Variants in FRY observed in about 807,000 individuals in gnomAD.
The protein encoded by FRY is FRY microtubule binding protein.
In FRY, 128 loss-of-function variants were observed where a neutral mutation model predicts 348.4. The ratio of observed to expected loss-of-function variants is 0.37; its 90% CI spans 0.32 to 0.43. The LOEUF is 0.43. Ranked by LOEUF, FRY falls within the 20% of genes least tolerant of loss-of-function variation. The pLI, the probability that FRY is intolerant of heterozygous loss-of-function variation, is 1.00. For synonymous variants in FRY, 1,370 were observed against 1,374.7 expected (o/e 1.00, Z 0.08); for missense variants, 2,736 against 3,695.2 (o/e 0.74, Z 6.73).
intron 3 of FRY, among the ~76,000 whole-genome samples, chr13:32,111,258 C>T (rs1877937604): frequency 6.6e-6 from 1 of 151,994 alleles, no homozygotes; most frequent in Admixed American, 6.6e-5. Context: ...GAGGCTGAGG[C>T]AGGTGGCTCA....
chr13:32,248,614 A>G (rs537540373), intron 48 of FRY, among the ~76,000 whole-genome samples: 107 of 152,302 alleles, frequency 7.0e-4, no homozygotes, highest in South Asian at 1.2e-3. Context: ...TGGGTTTTTT[A>G]TACAATGGTC....
chr13:32,258,470 A>G (rs1015908776), intron 51 of FRY, among the ~76,000 whole-genome samples: 6 of 152,096 alleles, frequency 3.9e-5, no homozygotes, highest in African/African-American at 4.8e-5. Context: ...AAAATTAGCC[A>G]TGCCTGGAGG....
At chr13:32,142,182 T>C (rs1880116769) in intron 11 of FRY, among the ~76,000 whole-genome samples, 1 of 152,122 alleles carries the variant, frequency 6.6e-6, no homozygotes, top group Non-Finnish European at 1.5e-5. Context: ...TAGGCACCAA[T>C]AGCATATGTG....
At chr13:32,067,840 A>G (rs541850429) in intron 1 of FRY, among the ~76,000 whole-genome samples, 1 of 152,310 alleles carries the variant, frequency 6.6e-6, no homozygotes, top group South Asian at 2.1e-4. Flanking sequence ...CAAAATGTTA[A>G]TTTTGTTGGA....
intron 4 of FRY, among the ~76,000 whole-genome samples, chr13:32,122,200 T>C (rs1020445336): frequency 2.0e-5 from 3 of 152,064 alleles, no homozygotes; most frequent in Admixed American, 2.0e-4. Context: ...TCCCAGCACT[T>C]TGGGAGGCCG....
chr13:32,086,485 C>T (rs529093866), intron 2 of FRY, among the ~76,000 whole-genome samples: 58 of 152,212 alleles, frequency 3.8e-4, no homozygotes, highest in African/African-American at 1.2e-3. Context: ...GGTTTAAATC[C>T]CTGGGTTTAA....
At chr13:32,169,212 A>G (rs1461786779) in intron 17 of FRY, among the ~76,000 whole-genome samples, 3 of 152,212 alleles carry the variant, frequency 2.0e-5, no homozygotes, top group Non-Finnish European at 4.4e-5. Flanking sequence ...AAGTCATTGC[A>G]GTGACCTCTT....
intron 55 of FRY, among the ~76,000 whole-genome samples, chr13:32,269,131 C>T (rs190370674): frequency 3.9e-5 from 6 of 151,964 alleles, no homozygotes; most frequent in Admixed American, 1.3e-4. Context: ...GAGCCATGGC[C>T]GACGGGAAAG....
chr13:32,131,650 A>T, intron 7 of FRY, 22 bp from the exon 8 acceptor site: 1 of 1,599,864 alleles, frequency 6.3e-7, no homozygotes, highest in Non-Finnish European at 8.6e-7. Context: ...TATTTGATAA[A>T]CCACTTATGT....
chr13:32,194,139 T>G lies in FRY; in HGVS notation c.3592-4T>G. ...AATAATATTGATTTGCTCCATGTAT[T>G]CAGGTTCATCAACTTGGCTGCGAAG... On this transcript the variant is annotated splice_polypyrimidine_tract_variant and splice_region_variant and intron_variant, in intron 28 of 60. Coordinates refer to ENST00000542859, the MANE Select transcript of FRY (RefSeq NM_023037.3). 6.2e-7 allele frequency: 1 copy of G among 1,612,524 alleles called. No individual in the cohort carries two copies. Among genetic ancestry groups the G allele is most frequent in the Non-Finnish European group, 8.5e-7 (1 of 1,178,464 alleles).
At chr13:32,228,042 G>C (rs899392226) in intron 39 of FRY, among the ~76,000 whole-genome samples, 2 of 152,134 alleles carry the variant, frequency 1.3e-5, no homozygotes, top group Admixed American at 1.3e-4. Flanking sequence ...GAGCCACCGC[G>C]CCCAGCCCGT....
At chr13:32,192,373 C>T (rs972710272) in intron 28 of FRY, among the ~76,000 whole-genome samples, 4 of 152,038 alleles carry the variant, frequency 2.6e-5, no homozygotes, top group Non-Finnish European at 5.9e-5. Context: ...AGTGCAGTGG[C>T]GCGATCTCGG....
At chr13:32,203,451 C>A (rs1884164876) in intron 31 of FRY, among the ~76,000 whole-genome samples, 1 of 152,138 alleles carries the variant, frequency 6.6e-6, no homozygotes, top group African/African-American at 2.4e-5. Flanking sequence ...TCAGGCCGGG[C>A]GTGGTGGCTC....
At chr13:32,267,622 C>T (rs990465049) in intron 55 of FRY, among the ~76,000 whole-genome samples, 1 of 152,142 alleles carries the variant, frequency 6.6e-6, no homozygotes, top group Non-Finnish European at 1.5e-5. Context: ...ATCACCAGTC[C>T]TCAGCAGCCA....
intron 11 of FRY, among the ~76,000 whole-genome samples, chr13:32,146,959 A>C (rs1431611338): frequency 6.6e-6 from 1 of 152,234 alleles, no homozygotes; most frequent in Non-Finnish European, 1.5e-5. Context: ...ACTGATTCTC[A>C]TATTGGTGCT....
At chr13:32,244,249 T>C in intron 47 of FRY, 67 bp downstream of exon 47, 8 of 1,443,180 alleles carry the variant, frequency 5.5e-6, no homozygotes, top group Non-Finnish European at 7.8e-6. Flanking sequence ...TTCCTGTAGC[T>C]TGGCTACAAA....
At chr13:32,261,402 AT>A (rs1566176786) in intron 51 of FRY, 1 of 743,762 alleles carries the variant, frequency 1.3e-6, no homozygotes, top group African/African-American at 1.7e-5. Context: ...GTATGTAATC[AT>A]TTCTGCCTAT....
At chr13:32,254,909 C>T (rs934662336) in intron 51 of FRY, among the ~76,000 whole-genome samples, 8 of 152,154 alleles carry the variant, frequency 5.3e-5, no homozygotes, top group Non-Finnish European at 7.4e-5. Context: ...CACAAGAGAG[C>T]TCTTTGCTCT....
intron 48 of FRY, 39 bp from the exon 49 acceptor site, chr13:32,249,487 C>G (rs1566167768): frequency 6.2e-7 from 1 of 1,610,660 alleles, no homozygotes; most frequent in Admixed American, 1.7e-5. Context: ...ATCACAAAAC[C>G]ATTGAGACAG....
Sources: gnomAD v4.1 joint callset for allele counts (sites outside exome capture counted in the v4.1 genomes callset) on GRCh38, gnomAD v4.1.1 for gene constraint, MANE v1.5 for transcripts, NCBI Gene and HGNC (gene_info 2026-07-23, HGNC 2026-07-21) for gene names.